The following MIB1 variants were observed in gnomAD, a reference collection of about 807,000 sequenced individuals.
The protein encoded by MIB1 is MIB E3 ubiquitin protein ligase 1, also known as E3 ubiquitin-protein ligase MIB1.
A neutral mutation model predicts 124.5 loss-of-function variants in MIB1; 278 were observed. That is an observed-to-expected ratio of 2.23 (90% CI 2.02 to 2.47). MIB1 has a LOEUF of 2.47. MIB1 is among the 30% of genes most tolerant of loss of function. The pLI is 0.00. For synonymous variants in MIB1, 446 were observed against 429.4 expected (o/e 1.04, Z -0.48); for missense variants, 957 against 1,254.4 (o/e 0.76, Z 3.58).
At chr18:21,793,160 G>A (rs936230943) in intron 7 of MIB1, among the ~76,000 whole-genome samples, 4 of 152,228 alleles carry the variant, frequency 2.6e-5, no homozygotes, top group African/African-American at 7.2e-5. Context: ...TAGTGTGGTA[G>A]ACAATTGTCT....
intron 10 of MIB1, among the ~76,000 whole-genome samples, chr18:21,804,251 A>G (rs926339909): frequency 1.1e-4 from 17 of 152,206 alleles, no homozygotes; most frequent in African/African-American, 3.9e-4. Context: ...ACTGTGGTGT[A>G]ACCATCATGT....
At chr18:21,763,582 G>A (rs2041124041) in intron 1 of MIB1, among the ~76,000 whole-genome samples, 1 of 151,798 alleles carries the variant, frequency 6.6e-6, no homozygotes, top group African/African-American at 2.4e-5. Flanking sequence ...CTTATTTTTT[G>A]TTGGTGACTC....
intron 6 of MIB1, among the ~76,000 whole-genome samples, chr18:21,781,076 T>C (rs1282084147): frequency 6.6e-6 from 1 of 152,002 alleles, no homozygotes; most frequent in Non-Finnish European, 1.5e-5. Flanking sequence ...TTTAAAAATT[T>C]AAATTAAAAA....
At chr18:21,793,659 T>G (rs1323466350) in intron 7 of MIB1, among the ~76,000 whole-genome samples, 1 of 151,268 alleles carries the variant, frequency 6.6e-6, no homozygotes, top group Non-Finnish European at 1.5e-5. Flanking sequence ...TGTGTGCCTG[T>G]AATCCCAGGT....
Position 21,870,796 on chromosome 18 carries a change from A to C in MIB1, c.*6130A>C, listed in dbSNP as rs1168762240. The C allele has an allele frequency of 1.3e-5, 2 of 152,210 alleles. No homozygotes were observed. The highest frequency in any genetic ancestry group is 1.3e-4 in the Admixed American group (2 of 15,284). 9.4% of individuals were successfully genotyped at this position (152,210 alleles called of 1,614,324 possible). A position where few individuals can be genotyped will look rare whatever the true frequency, so the allele number is the denominator to read the frequency against. On this transcript the variant is annotated 3_prime_UTR_variant, in exon 21 of 21. Transcript: ENST00000261537. ...AAATATCTTTTGTTTATTTGAAAAAAGCATATATATTCCAACTTTAAAATT... is the reference window on the plus strand; with the variant it reads ...AAATATCTTTTGTTTATTTGAAAAACGCATATATATTCCAACTTTAAAATT...
At chr18:21,745,364 C>T (rs1028005961) in intron 1 of MIB1, among the ~76,000 whole-genome samples, 1 of 152,178 alleles carries the variant, frequency 6.6e-6, no homozygotes, top group African/African-American at 2.4e-5. Flanking sequence ...GCAGGCATCC[C>T]TGGCCTCTAC....
At chr18:21,816,870 A>G (rs1289162305) in intron 11 of MIB1, among the ~76,000 whole-genome samples, 1 of 152,074 alleles carries the variant, frequency 6.6e-6, no homozygotes, top group Non-Finnish European at 1.5e-5. Flanking sequence ...GGGAGGCAGG[A>G]TTGGAGGATG....
At chr18:21,724,987 C>T (rs1345173004) in intron 1 of MIB1, among the ~76,000 whole-genome samples, 1 of 144,406 alleles carries the variant, frequency 6.9e-6, no homozygotes, top group East Asian at 2.1e-4. Flanking sequence ...CCCAGCTACT[C>T]GGGAGGCTGA....
intron 1 of MIB1, among the ~76,000 whole-genome samples, chr18:21,759,424 A>ATTTTTTTTTTTTTTTT (rs1568189586): frequency 6.6e-6 from 1 of 151,288 alleles, no homozygotes; most frequent in African/African-American, 2.4e-5. Context: ...TGTATTTTTA[A>ATTTTTTTTTTTTTTTT]TAGAGACGGG....
chr18:21,806,271 G>T (rs1002278960), intron 10 of MIB1, among the ~76,000 whole-genome samples: 3 of 151,486 alleles, frequency 2.0e-5, no homozygotes, highest in African/African-American at 7.3e-5. Flanking sequence ...CATGATTATG[G>T]CTCACTGCAG....
Position 21,822,347 on chromosome 18 carries a change from T to C in MIB1, c.1829+2701T>C, listed in dbSNP as rs1013111881. On this transcript the variant is annotated intron_variant, in intron 12 of 20. Transcript: ENST00000261537. ...AGTATATTCAATAATGCTAAGCCTA[T>C]ACAAGGAAGAGAAAATTTACTTTTA... Among the ~76,000 whole-genome samples the C allele has an allele frequency of 4.6e-5, 7 of 152,230 alleles. 1 individual carries two copies. The highest frequency in any genetic ancestry group is 3.9e-4 in the Admixed American group (6 of 15,282).
chr18:21,759,883 A>G (rs146152235), intron 1 of MIB1, among the ~76,000 whole-genome samples: 126 of 152,330 alleles, frequency 8.3e-4, no homozygotes, highest in African/African-American at 3.0e-3. Context: ...TCTCTGAAGA[A>G]TGTAGTTATT....
chr18:21,839,024 T>A (rs1424876059), intron 13 of MIB1, among the ~76,000 whole-genome samples: 1 of 152,220 alleles, frequency 6.6e-6, no homozygotes, highest in Non-Finnish European at 1.5e-5. Flanking sequence ...GAGCCTGGAT[T>A]TTGGGAGGAG....
intron 9 of MIB1, 47 bp from the exon 10 acceptor site, chr18:21,803,860 T>G: frequency 1.4e-6 from 2 of 1,405,072 alleles, no homozygotes; most frequent in Non-Finnish European, 2.0e-6. Context: ...TATTGCCTGT[T>G]TCTGATTATT....
rs570461249 is a variant in MIB1 at position 21,751,926 on chromosome 18, C to T, written c.229+10114C>T. 4.6e-5 allele frequency among the ~76,000 whole-genome samples: 7 copies of T among 152,294 alleles called. No homozygotes were observed. The South Asian group carries it at 1.5e-3, about 32-fold the overall frequency. On this transcript the variant is annotated intron_variant, in intron 1 of 20. Transcript: ENST00000261537. ...GTCCATGCTGTGGTTATTTGATTAA[C>T]TTAATGTAATACCACTGTTGGACAT...
At chr18:21,853,299 T>G in intron 18 of MIB1, 81 bp downstream of exon 18, 2 of 1,088,550 alleles carry the variant, frequency 1.8e-6, no homozygotes, top group Non-Finnish European at 2.7e-6. Flanking sequence ...AGGGTTTTTT[T>G]GCTTTTGATT....
At chr18:21,848,477 G>C (rs1234936409) in intron 16 of MIB1, among the ~76,000 whole-genome samples, 1 of 151,974 alleles carries the variant, frequency 6.6e-6, no homozygotes, top group Admixed American at 6.6e-5. Context: ...TAAATATAAA[G>C]ATATAAGGCA....
At chr18:21,760,597 A>G (rs564558338) in intron 1 of MIB1, among the ~76,000 whole-genome samples, 76 of 152,292 alleles carry the variant, frequency 5.0e-4, no homozygotes, top group Non-Finnish European at 7.9e-4. Context: ...ACCATGAATT[A>G]TAGAATTTTT....
chr18:21,803,861 T>C, intron 9 of MIB1, 46 bp from the exon 10 acceptor site: 5 of 1,420,016 alleles, frequency 3.5e-6, no homozygotes, highest in Non-Finnish European at 4.0e-6. Context: ...ATTGCCTGTT[T>C]CTGATTATTC....
Sources: allele counts gnomAD v4.1 joint callset (sites outside exome capture counted in the v4.1 genomes callset), GRCh38; gene constraint gnomAD v4.1.1; transcripts MANE v1.5; gene names NCBI Gene and HGNC (gene_info 2026-07-23, HGNC 2026-07-21).